Variants in CORO2B observed in about 807,000 individuals in gnomAD.
CORO2B encodes the protein coronin 2B, also known as coronin-2B.
CORO2B carries 26 observed loss-of-function variants against 58.8 expected under a neutral mutation model. The ratio of observed to expected loss-of-function variants is 0.44; its 90% CI spans 0.32 to 0.61. CORO2B has a LOEUF of 0.61. Among genes scored for constraint, CORO2B ranks in the 20% least tolerant of loss-of-function variants. The pLI is 0.04. For synonymous variants in CORO2B, 242 were observed against 253.8 expected (o/e 0.95, Z 0.44); for missense variants, 460 against 645.1 (o/e 0.71, Z 3.11).
At chr15:68,587,977 A>T (rs1032731287) in intron 1 of CORO2B, among the ~76,000 whole-genome samples, 1 of 152,182 alleles carries the variant, frequency 6.6e-6, no homozygotes, top group African/African-American at 2.4e-5. Flanking sequence ...TTACTGTGTG[A>T]CCTTGGGCTA....
the CORO2B span, among the ~76,000 whole-genome samples, chr15:68,539,658 A>C: frequency 0.95 from 145,019 of 152,190 alleles, 69,164 homozygotes; most frequent in East Asian, 1. Context: ...GAGCAAGACC[A>C]TGTCTCAAAT....
intron 2 of CORO2B, among the ~76,000 whole-genome samples, chr15:68,674,737 AAG>A (rs1902519383): frequency 6.6e-6 from 1 of 152,318 alleles, no homozygotes; most frequent in South Asian, 2.1e-4. Context: ...GGGTTGGAGT[AAG>A]AGTTTGCCCT....
intron 2 of CORO2B, among the ~76,000 whole-genome samples, chr15:68,649,135 T>C (rs1427657710): frequency 6.6e-6 from 1 of 152,232 alleles, no homozygotes; most frequent in Non-Finnish European, 1.5e-5. Context: ...GATCACACTT[T>C]GTAAACACTT....
intron 1 of CORO2B, chr15:68,632,107 A>G: frequency 2.0e-6 from 2 of 985,496 alleles, no homozygotes; most frequent in Non-Finnish European, 2.4e-6. Context: ...AGGTAGTCAG[A>G]TTCCCGTTAT....
At chr15:68,554,204 C>A in the CORO2B span, among the ~76,000 whole-genome samples, 1 of 152,072 alleles carries the variant, frequency 6.6e-6, no homozygotes, top group South Asian at 2.1e-4. Flanking sequence ...GTAGGTGGCG[C>A]TATTGGTCAT....
At chr15:68,602,803 CCT>C (rs544713976) in intron 1 of CORO2B, among the ~76,000 whole-genome samples, 20 of 152,332 alleles carry the variant, frequency 1.3e-4, no homozygotes, top group Admixed American at 7.8e-4. Context: ...AGAAGCAATT[CCT>C]CTCTGTTTTC....
intron 2 of CORO2B, among the ~76,000 whole-genome samples, chr15:68,671,289 T>G (rs1322691390): frequency 9.2e-5 from 14 of 152,178 alleles, no homozygotes; most frequent in African/African-American, 1.4e-4. Context: ...TCTTAAAAAG[T>G]GAAGAGGAAT....
At chr15:68,551,821 C>T in the CORO2B span, among the ~76,000 whole-genome samples, 1 of 152,176 alleles carries the variant, frequency 6.6e-6, no homozygotes, top group Non-Finnish European at 1.5e-5. Flanking sequence ...TAAAACATGA[C>T]AATGACTCTT....
the CORO2B span, among the ~76,000 whole-genome samples, chr15:68,537,188 A>G: frequency 1.6e-4 from 24 of 152,348 alleles, no homozygotes; most frequent in African/African-American, 5.3e-4. Context: ...ACACCTTGGT[A>G]TGCTGGATTA....
intron 2 of CORO2B, among the ~76,000 whole-genome samples, chr15:68,687,176 T>C (rs893535069): frequency 6.6e-6 from 1 of 152,166 alleles, no homozygotes; most frequent in Admixed American, 6.5e-5. Context: ...CAGACCAGGG[T>C]CTGGGAATCT....
intron 1 of CORO2B, among the ~76,000 whole-genome samples, chr15:68,611,388 CTTGT>C (rs906735127): frequency 8.5e-5 from 13 of 152,244 alleles, no homozygotes; most frequent in South Asian, 2.1e-4. Context: ...TTTCCTTTCA[CTTGT>C]TTGTTTGTTT....
the CORO2B span, among the ~76,000 whole-genome samples, chr15:68,531,555 GGAAAGAAAGAGAAAGAAAGA>G: frequency 1.4e-4 from 11 of 77,816 alleles, no homozygotes; most frequent in African/African-American, 5.7e-4. Flanking sequence ...AAGGAAGGAA[GGAAAGAAAGAGAAAGAAAGA>G]GAAAGAAAGA....
chr15:68,596,824 T>C (rs1899842171), intron 1 of CORO2B, among the ~76,000 whole-genome samples: 1 of 152,014 alleles, frequency 6.6e-6, no homozygotes, highest in South Asian at 2.1e-4. Context: ...CGGGGAGAAA[T>C]GGCCGCGCAT....
rs140464148 is a variant in CORO2B at position 68,645,322 on chromosome 15, G to A, written c.178G>A (p.Ala60Thr). ...TRFLAIVTES[A>T]GGGSFLVIPL... ...CTTCCTGGCCATCGTCACCGAGAGCGCAGGGGGCGGCTCCTTCCTCGTCAT... is the reference window on the plus strand; with the variant it reads ...CTTCCTGGCCATCGTCACCGAGAGCACAGGGGGCGGCTCCTTCCTCGTCAT... The change falls in exon 2 of 12, where the codon GCA (alanine) becomes ACA (threonine). Residue 60 changes from alanine (A) to threonine (T), a missense_variant. Physicochemically the swap from Ala to Thr is moderately conservative, Grantham distance 58. Around this residue, in one of 2 missense-constraint regions of CORO2B, gnomAD observed 352 missense variants for 543.0 expected, o/e 0.65. Coordinates refer to ENST00000261861, the MANE Select transcript of CORO2B (RefSeq NM_006091.5). This position sits in a 1 kb window ranked among gnomAD's most constrained non-coding sequence, Gnocchi z 4.5. 4.5e-5 allele frequency: 73 copies of A among 1,612,664 alleles called. No homozygotes were observed. The highest frequency in any genetic ancestry group is 1.9e-4 in the South Asian group (17 of 91,078).
intron 2 of CORO2B, among the ~76,000 whole-genome samples, chr15:68,687,504 C>G (rs1252966949): frequency 6.6e-6 from 1 of 152,190 alleles, no homozygotes; most frequent in Non-Finnish European, 1.5e-5. Context: ...GAGCCACACC[C>G]GTGGACTCAC....
chr15:68,527,565 C>T, the CORO2B span, among the ~76,000 whole-genome samples: 1 of 152,190 alleles, frequency 6.6e-6, no homozygotes, highest in African/African-American at 2.4e-5. Flanking sequence ...CTCTTCATTA[C>T]TGTAGCTTTG....
intron 1 of CORO2B, among the ~76,000 whole-genome samples, chr15:68,593,893 A>C (rs1161603328): frequency 6.6e-6 from 1 of 152,094 alleles, no homozygotes; most frequent in Non-Finnish European, 1.5e-5. Flanking sequence ...AGAAGAGAAG[A>C]GAAGAGGAGA....
At chr15:68,654,472 C>G (rs1022121968) in intron 2 of CORO2B, among the ~76,000 whole-genome samples, 40 of 152,342 alleles carry the variant, frequency 2.6e-4, no homozygotes, top group African/African-American at 9.6e-4. Flanking sequence ...TGGGCCCTAA[C>G]TCTGCCCAGA....
At chr15:68,698,208 G>A (rs1892559682) in intron 3 of CORO2B, among the ~76,000 whole-genome samples, 2 of 152,220 alleles carry the variant, frequency 1.3e-5, no homozygotes, top group Non-Finnish European at 2.9e-5. Flanking sequence ...CCCATGCTCT[G>A]CCAAGCTTCC....
Sources: gnomAD v4.1 joint callset for allele counts (sites outside exome capture counted in the v4.1 genomes callset) on GRCh38, gnomAD v4.1.1 for gene constraint, gnomAD v4.1.1 regional missense constraint, Gnocchi (gnomAD v3.1) non-coding constraint, MANE v1.5 for transcripts, NCBI Gene and HGNC (gene_info 2026-07-23, HGNC 2026-07-21) for gene names.